The following RBM20 variants were observed in gnomAD, a reference collection of about 807,000 sequenced individuals.
The protein encoded by RBM20 is RNA binding motif protein 20, also known as RNA-binding protein 20.
In RBM20, 51 loss-of-function variants were observed where a neutral mutation model predicts 110.1. The observed-to-expected ratio is 0.46, with a 90% CI of 0.37 to 0.59. The LOEUF (loss-of-function observed/expected upper bound fraction) is 0.59. Among genes scored for constraint, RBM20 ranks in the 20% least tolerant of loss-of-function variants. RBM20 has a pLI of 0.00. For synonymous variants in RBM20, 589 were observed against 618.2 expected (o/e 0.95, Z 0.70); for missense variants, 1,512 against 1,574.9 (o/e 0.96, Z 0.68).
rs767997700 is a variant in RBM20, at chr10:110,812,565, T to C, written c.2168T>C (p.Leu723Ser). 4.5e-6 allele frequency: 7 copies of C among 1,551,622 alleles called. No homozygotes were observed. In the South Asian group the frequency reaches 8.3e-5, roughly 18 times the overall value. ...CCCCGGCAACTGGACAAGGCTGAGT[T>C]GGACGAGCGACCAGAAGGAGGGAGG... Reference protein sequence around the residue: ...HHPRQLDKAELDERPEGGRPH... With the variant: ...HHPRQLDKAESDERPEGGRPH... The change falls in exon 9 of 14, where the codon TTG becomes TCG. Residue 723 changes from leucine (L) to serine (S), a missense_variant. Physicochemically the swap from Leu to Ser is moderately radical, Grantham distance 145. Transcript: ENST00000369519.
intron 13 of RBM20, among the ~76,000 whole-genome samples, chr10:110,831,666 T>TAAAAAAAAA (rs869203382): frequency 1.1e-3 from 63 of 58,220 alleles, no homozygotes; most frequent in East Asian, 1.5e-3. Flanking sequence ...CTTGCTAGAA[T>TAAAAAAAAA]AAAAAAAAAA....
intron 1 of RBM20, among the ~76,000 whole-genome samples, chr10:110,719,758 T>C (rs1480285960): frequency 1.3e-5 from 2 of 152,212 alleles, no homozygotes; most frequent in Non-Finnish European, 2.9e-5. Context: ...TTGTCATCTT[T>C]GTCTTAGTTT....
chr10:110,736,460 G>A (rs1174068595), intron 1 of RBM20, among the ~76,000 whole-genome samples: 1 of 152,098 alleles, frequency 6.6e-6, no homozygotes, highest in Non-Finnish European at 1.5e-5. Context: ...TTTGGATTAG[G>A]TCATTGAATA....
At chr10:110,810,937 G>A (rs184376260) in intron 8 of RBM20, among the ~76,000 whole-genome samples, 5 of 151,998 alleles carry the variant, frequency 3.3e-5, no homozygotes, top group Admixed American at 1.3e-4. Context: ...AATGTAGATG[G>A]TTAAAAAAAA....
At chr10:110,835,794 T>C (rs1845118353) in intron 13 of RBM20, 74 bp from the exon 14 acceptor site, 1 of 1,429,672 alleles carries the variant, frequency 7.0e-7, no homozygotes, top group Non-Finnish European at 9.6e-7. Flanking sequence ...GATTGAGGCA[T>C]GTCCGCTCCT....
chr10:110,734,618 C>CGTT (rs34824300), intron 1 of RBM20, among the ~76,000 whole-genome samples: 45 of 136,538 alleles, frequency 3.3e-4, no homozygotes, highest in South Asian at 6.9e-4. Context: ...AAAATTCCCT[C>CGTT]TTTTTTTTTT....
chr10:110,784,531 C>T, intron 4 of RBM20, 99 bp downstream of exon 4: 1 of 901,180 alleles, frequency 1.1e-6, no homozygotes, highest in Admixed American at 2.0e-5. Flanking sequence ...CCTGATGTCC[C>T]CTTCTCACGG....
At chr10:110,805,032 T>C (rs1172117777) in intron 7 of RBM20, among the ~76,000 whole-genome samples, 1 of 152,200 alleles carries the variant, frequency 6.6e-6, no homozygotes, top group South Asian at 2.1e-4. Context: ...GAATGGTCCA[T>C]GGTGCTCTCA....
At chr10:110,709,707 C>T (rs1435708067) in intron 1 of RBM20, among the ~76,000 whole-genome samples, 2 of 151,810 alleles carry the variant, frequency 1.3e-5, no homozygotes, top group African/African-American at 2.4e-5. Flanking sequence ...GCTGAGACTA[C>T]AGGCGTGTGC....
intron 9 of RBM20, 129 bp from the exon 10 acceptor site, chr10:110,819,943 G>A (rs1844886620): frequency 3.6e-6 from 2 of 554,958 alleles, no homozygotes; most frequent in Middle Eastern, 3.1e-4. Context: ...GGGATTCTGG[G>A]AGGATAAAGG....
At chr10:110,643,258 G>A (rs150147577), upstream of RBM20, among the ~76,000 whole-genome samples, 609 of 152,374 alleles carry the variant, frequency 4.0e-3, 5 homozygotes, top group African/African-American at 0.014. Flanking sequence ...ACTCCTGTAT[G>A]CCGGACAGCC....
chr10:110,650,271 T>A (rs1861927393), intron 1 of RBM20, among the ~76,000 whole-genome samples: 1 of 152,226 alleles, frequency 6.6e-6, no homozygotes, highest in Admixed American at 6.5e-5. Context: ...GATCTTCCTC[T>A]TCCCCACAGC....
At chr10:110,682,126 A>G (rs1385326463) in intron 1 of RBM20, among the ~76,000 whole-genome samples, 2 of 152,110 alleles carry the variant, frequency 1.3e-5, no homozygotes, top group East Asian at 3.9e-4. Flanking sequence ...TCCTGACCTC[A>G]GGTGATCCAC....
intron 1 of RBM20, among the ~76,000 whole-genome samples, chr10:110,738,203 G>T (rs1843691209): frequency 6.6e-6 from 1 of 152,176 alleles, no homozygotes; most frequent in African/African-American, 2.4e-5. Context: ...TAAAGGGAAG[G>T]TGAGGGTTAA....
At chr10:110,713,152 T>A (rs765490209) in intron 1 of RBM20, among the ~76,000 whole-genome samples, 1 of 152,196 alleles carries the variant, frequency 6.6e-6, no homozygotes, top group Non-Finnish European at 1.5e-5. Flanking sequence ...ACATACAGGC[T>A]TGACTAACGG....
chr10:110,713,672 T>A (rs1423114253), intron 1 of RBM20, among the ~76,000 whole-genome samples: 1 of 152,224 alleles, frequency 6.6e-6, no homozygotes, highest in Non-Finnish European at 1.5e-5. Flanking sequence ...TACAGTGTTT[T>A]GAAAGAGACT....
At position 110,803,378 on chromosome 10, in the gene RBM20, A is replaced by G. The variant is rs142952875; in HGVS notation, c.1800+3460A>G. 1.8e-3 allele frequency among the ~76,000 whole-genome samples: 267 copies of G among 152,352 alleles called. 1 individual carries two copies. The highest frequency in any genetic ancestry group is 5.9e-3 in the African/African-American group (245 of 41,584). On this transcript the variant is annotated intron_variant, in intron 7 of 13. Transcript: ENST00000369519. The stretch of plus-strand genomic sequence containing the variant: ...CTGAGAAATCAGGTAATTTGCTTAT[A>G]GTCACCCAGCCAAGAAGCCGCAGAG...
chr10:110,820,221 G>A (rs1054087337), intron 10 of RBM20, 45 bp downstream of exon 10: 1 of 1,304,950 alleles, frequency 7.7e-7, no homozygotes, highest in South Asian at 1.3e-5. Flanking sequence ...GAGGGACTGA[G>A]TCACAGGAGT....
intron 1 of RBM20, among the ~76,000 whole-genome samples, chr10:110,775,642 T>C (rs1844251590): frequency 6.6e-6 from 1 of 152,130 alleles, no homozygotes; most frequent in South Asian, 2.1e-4. Context: ...TTTCTCCCTA[T>C]GATGATGATA....
Sources: gnomAD v4.1 joint callset for allele counts (sites outside exome capture counted in the v4.1 genomes callset) on GRCh38, gnomAD v4.1.1 for gene constraint, MANE v1.5 for transcripts, NCBI Gene and HGNC (gene_info 2026-07-23, HGNC 2026-07-21) for gene names.